CBL: variants seen among roughly 807,000 people sequenced by gnomAD.
CBL encodes Cbl proto-oncogene, also known as E3 ubiquitin-protein ligase CBL.
Under a neutral mutation model 96.9 loss-of-function variants are expected in CBL, and 45 were observed. The ratio of observed to expected loss-of-function variants is 0.46; its 90% CI spans 0.37 to 0.60. The LOEUF (loss-of-function observed/expected upper bound fraction) is 0.60, where lower values mean the gene tolerates loss of function less well. Ranked by LOEUF, CBL falls within the 20% of genes least tolerant of loss-of-function variation. The probability of loss-of-function intolerance (pLI) is 0.00; values close to 1 mark genes in which losing one functional copy is unlikely to be tolerated. For missense variants in CBL, 1,024 were observed against 1,143.5 expected (o/e 0.90, Z 1.51); for synonymous variants, 420 against 426.8 (o/e 0.98, Z 0.20).
chr11:119,287,482 T>C (rs1042957776), intron 11 of CBL, among the ~76,000 whole-genome samples: 3 of 152,178 alleles, frequency 2.0e-5, no homozygotes, highest in African/African-American at 7.2e-5. Context: ...GATAGCCTAA[T>C]TAGTGAGTGT....
At chr11:119,243,515 ATT>A (rs1424819718) in intron 2 of CBL, among the ~76,000 whole-genome samples, 17 of 96,698 alleles carry the variant, frequency 1.8e-4, no homozygotes, top group Admixed American at 2.9e-4. Flanking sequence ...AAAAAAAAAA[ATT>A]TTTTTTTTTT....
rs1353735002 is a variant in CBL, at chr11:119,243,879, C to T, written c.443+11184C>T. On this transcript the variant is annotated intron_variant, in intron 2 of 15. Transcript: ENST00000264033. The stretch of plus-strand genomic sequence containing the variant: ...GAGTAGCTGTGACTACAGGTGTGTA[C>T]CACCATGCCTGGCTCGTTTTTAAAT... Among the ~76,000 whole-genome samples the T allele has an allele frequency of 4.6e-5, 7 of 152,068 alleles. No individual in the cohort carries two copies. The East Asian group carries it at 1.4e-3, about 29-fold the overall frequency.
At chr11:119,211,890 A>G (rs778503098) in intron 1 of CBL, among the ~76,000 whole-genome samples, 1 of 152,070 alleles carries the variant, frequency 6.6e-6, no homozygotes, top group Non-Finnish European at 1.5e-5. Flanking sequence ...TAGAGCATCT[A>G]TTTTAGGTTT....
chr11:119,247,576 C>T (rs375611575), intron 2 of CBL, among the ~76,000 whole-genome samples: 56 of 152,214 alleles, frequency 3.7e-4, no homozygotes, highest in African/African-American at 1.3e-3. Flanking sequence ...TATGGGAGGC[C>T]GAGGCAGACG....
chr11:119,289,302 G>T (rs1950007548), intron 12 of CBL, among the ~76,000 whole-genome samples: 2 of 151,936 alleles, frequency 1.3e-5, no homozygotes, highest in African/African-American at 4.8e-5. Context: ...TATGACTGTG[G>T]TTTTTTTCTT....
intron 2 of CBL, among the ~76,000 whole-genome samples, chr11:119,258,387 C>T (rs931894677): frequency 9.2e-5 from 14 of 152,070 alleles, no homozygotes. Flanking sequence ...AAGGTGAAGG[C>T]AGAGCAGGCA....
rs1950114189 is a variant in CBL, at chr11:119,303,347, T to G, written c.*3566T>G. 4.3e-6 allele frequency: 1 copy of G among 233,438 alleles called. No homozygotes were observed. The allele number at this position is 233,438 out of a possible 1,614,324, so 14.5% of individuals were successfully genotyped here. A position where few individuals can be genotyped will look rare whatever the true frequency, so the allele number is the denominator to read the frequency against. ...TGAAAAATAGTTTTCTGACTATTGG[T>G]CTGGCTCTAACAGTTTGTTTGTTCA... On this transcript the variant is annotated 3_prime_UTR_variant, in exon 16 of 16. Transcript: ENST00000264033.
At position 119,211,903 on chromosome 11, in the gene CBL, ATTTTAT is replaced by A. The variant is rs945375720; in HGVS notation, c.195+5301_195+5306del. 4.6e-5 allele frequency among the ~76,000 whole-genome samples: 7 copies of A among 151,906 alleles called. No individual in the cohort carries two copies. The Middle Eastern group carries it at 0.01, about 223-fold the overall frequency. On this transcript the variant is annotated intron_variant, in intron 1 of 15. Coordinates refer to ENST00000264033, the MANE Select transcript of CBL (RefSeq NM_005188.4). ...AGTAGAGCATCTATTTTAGGTTTGA[ATTTTAT>A]TTTTATTTTATTTTTTTTATTATTT...
At chr11:119,249,510 C>T (rs908239842) in intron 2 of CBL, among the ~76,000 whole-genome samples, 1 of 148,154 alleles carries the variant, frequency 6.7e-6, no homozygotes, top group African/African-American at 2.5e-5. Context: ...AGGTGAGACG[C>T]CACTGCACTC....
chr11:119,264,388 T>TTTCTCTTCTCTTCTC (rs367863373), intron 2 of CBL, among the ~76,000 whole-genome samples: 8,946 of 133,726 alleles, frequency 0.067, 459 homozygotes, highest in Admixed American at 0.12. Flanking sequence ...TTTCTTTTCT[T>TTTCTCTTCTCTTCTC]TTCTCTTCTC....
chr11:119,288,089 T>C, intron 12 of CBL, 143 bp downstream of exon 12: 2 of 669,172 alleles, frequency 3.0e-6, no homozygotes, highest in Non-Finnish European at 5.3e-6. Flanking sequence ...ATTTTATGTT[T>C]TAGAGTATTT....
At chr11:119,247,472 G>A (rs1949640752) in intron 2 of CBL, among the ~76,000 whole-genome samples, 1 of 152,212 alleles carries the variant, frequency 6.6e-6, no homozygotes, top group Admixed American at 6.5e-5. Context: ...AAACACTAAA[G>A]CCAATAAATG....
intron 1 of CBL, among the ~76,000 whole-genome samples, chr11:119,213,738 G>C (rs1949336147): frequency 6.6e-6 from 1 of 152,060 alleles, no homozygotes; most frequent in Admixed American, 6.6e-5. Context: ...ACAGAGTCTT[G>C]CTCTGATACC....
intron 2 of CBL, among the ~76,000 whole-genome samples, chr11:119,244,987 C>T (rs984307722): frequency 1.3e-5 from 2 of 151,916 alleles, no homozygotes; most frequent in Non-Finnish European, 2.9e-5. Context: ...GGACTACAGG[C>T]ACACACCCCA....
intron 2 of CBL, among the ~76,000 whole-genome samples, chr11:119,242,104 T>C (rs1362848251): frequency 1.3e-5 from 2 of 152,120 alleles, no homozygotes; most frequent in African/African-American, 4.8e-5. Flanking sequence ...TTCTAGGCCA[T>C]GTTAGATTGA....
intron 1 of CBL, among the ~76,000 whole-genome samples, chr11:119,209,695 C>T (rs1351479037): frequency 1.3e-5 from 2 of 151,946 alleles, no homozygotes; most frequent in African/African-American, 4.8e-5. Context: ...CCTGCTTTAT[C>T]TTTGTTGTTG....
intron 1 of CBL, among the ~76,000 whole-genome samples, chr11:119,212,395 G>A (rs1949325295): frequency 6.6e-6 from 1 of 151,762 alleles, no homozygotes; most frequent in African/African-American, 2.4e-5. Flanking sequence ...GGAGGCTGAG[G>A]TGGGTGGATC....
intron 1 of CBL, among the ~76,000 whole-genome samples, chr11:119,212,042 C>T (rs928587116): frequency 6.6e-6 from 1 of 152,014 alleles, no homozygotes; most frequent in Non-Finnish European, 1.5e-5. Flanking sequence ...GCCTCAGCTT[C>T]CCCAGTAGCT....
At chr11:119,283,890 G>C (rs1472387023) in intron 9 of CBL, among the ~76,000 whole-genome samples, 1 of 151,966 alleles carries the variant, frequency 6.6e-6, no homozygotes, top group Non-Finnish European at 1.5e-5. Context: ...ACCCGCCTCA[G>C]CCTCCCAAAG....
Sources: allele counts gnomAD v4.1 joint callset (sites outside exome capture counted in the v4.1 genomes callset), GRCh38; gene constraint gnomAD v4.1.1; transcripts MANE v1.5; gene names NCBI Gene and HGNC (gene_info 2026-07-23, HGNC 2026-07-21).